Variants in USP20 observed in about 807,000 individuals in gnomAD.
USP20 encodes the protein ubiquitin carboxyl-terminal hydrolase 20.
Under a neutral mutation model 124.2 loss-of-function variants are expected in USP20, and 80 were observed. That is an observed-to-expected ratio of 0.64 (90% CI 0.54 to 0.78). The LOEUF (loss-of-function observed/expected upper bound fraction) is 0.78, where lower values mean the gene tolerates loss of function less well. Among genes scored for constraint, USP20 ranks in the 30% least tolerant of loss-of-function variants. The pLI is 0.00. For synonymous variants in USP20, 481 were observed against 512.3 expected, an observed-to-expected ratio of 0.94 and a Z score of 0.83; for missense variants, 1,043 against 1,244.4, an observed-to-expected ratio of 0.84 and a Z score of 2.44.
chr9:129,863,076 C>G (rs2033632095), intron 8 of USP20, 110 bp from the exon 9 acceptor site: 2 of 731,974 alleles, frequency 2.7e-6, no homozygotes, highest in East Asian at 5.9e-5. Context: ...GGGTCCAGGG[C>G]CACTGTGCTC....
At chr9:129,851,628 C>G (rs771572861) in intron 2 of USP20, among the ~76,000 whole-genome samples, 2 of 152,152 alleles carry the variant, frequency 1.3e-5, no homozygotes, top group Non-Finnish European at 2.9e-5. Context: ...TTGAGGGAAG[C>G]ATTTATTTTC....
chr9:129,863,501 C>T (rs893964509), intron 9 of USP20, among the ~76,000 whole-genome samples: 9 of 152,334 alleles, frequency 5.9e-5, no homozygotes, highest in East Asian at 1.9e-4. Flanking sequence ...GTGCAGAGCA[C>T]TTTAAGTATC....
chr9:129,865,356 C>T lies in USP20; in HGVS notation c.665C>T (p.Pro222Leu). The T allele has an allele frequency of 6.2e-7, 1 of 1,614,184 alleles. No individual in the cohort carries two copies. The stretch of plus-strand genomic sequence containing the variant: ...TCTCATGGGATCAAGTTGGTCAACC[C>T]AATGTTCCGAGGCTATGCCCAGCAG... ...SLSHGIKLVN[P>L]MFRGYAQQDT... Residue 222 changes from proline (P) to leucine (L), a missense_variant, in exon 10 of 26, where the codon CCA (proline) becomes CTA (leucine). Pro to Leu is a moderately conservative substitution (Grantham distance 98). Transcript: ENST00000372429.
intron 19 of USP20, 91 bp downstream of exon 19, chr9:129,875,046 C>G: frequency 6.6e-7 from 1 of 1,511,702 alleles, no homozygotes; most frequent in Non-Finnish European, 8.9e-7. Context: ...GGGACAGCGC[C>G]TGGATTAAGC....
chr9:129,869,699 G>T lies in USP20; in HGVS notation c.1420G>T (p.Asp474Tyr). 1 of 1,614,108 alleles carries T rather than the reference G, an allele frequency of 6.2e-7. No individual in the cohort carries two copies. Among genetic ancestry groups the T allele is most frequent in the South Asian group, 1.1e-5 (1 of 91,076 alleles). Residue 474 changes from aspartate (D) to tyrosine (Y), a missense_variant, in exon 14 of 26, where the codon GAC becomes TAC. Coordinates refer to ENST00000372429, the MANE Select transcript of USP20 (RefSeq NM_001110303.4). Reference protein sequence around the residue: ...RVSTTVETFQDLSLPIPGKED... With the variant: ...RVSTTVETFQYLSLPIPGKED... ...ATCCACCACAGTGGAAACGTTCCAG[G>T]ACTTATCACTGCCCATTCCTGGAAA...
intron 9 of USP20, 114 bp from the exon 10 acceptor site, chr9:129,865,189 A>C: frequency 3.6e-6 from 4 of 1,119,316 alleles, no homozygotes; most frequent in Non-Finnish European, 5.4e-6. Context: ...CCCCTCCCCA[A>C]ATGTCAGGAA....
intron 4 of USP20, among the ~76,000 whole-genome samples, chr9:129,857,626 G>T (rs1053780043): frequency 1.3e-5 from 2 of 152,144 alleles, no homozygotes; most frequent in African/African-American, 2.4e-5. Flanking sequence ...CAAACACCTG[G>T]TCCCCATTCA....
At chr9:129,867,142 G>A (rs1108534) in intron 10 of USP20, among the ~76,000 whole-genome samples, 128,200 of 152,132 alleles carry the variant, frequency 0.84, 54,389 homozygotes, top group East Asian at 0.98. Context: ...ATTTGGGCTC[G>A]GAACCCAAGT....
Position 129,868,139 on chromosome 9 carries a change from C to A in USP20, c.825C>A (p.Asp275Glu), listed in dbSNP as rs769955607. 4.3e-6 allele frequency: 7 copies of A among 1,614,112 alleles called. No homozygotes were observed. Among genetic ancestry groups the A allele is most frequent in the Non-Finnish European group, 5.1e-6 (6 of 1,180,008 alleles). Residue 275 changes from aspartate to glutamate, a missense_variant, in exon 11 of 26, where the codon GAC becomes GAA. Transcript: ENST00000372429. ...SSDTDEKREG[D>E]RSPSEDEFLS... The stretch of plus-strand genomic sequence containing the variant: ...ACACGGATGAGAAACGGGAGGGTGA[C>A]CGGAGCCCATCAGAAGATGAGTTCT...
Position 129,880,663 on chromosome 9 carries a change from G to A in USP20, c.*213G>A, listed in dbSNP as rs138025591. On this transcript the variant is annotated 3_prime_UTR_variant, in exon 26 of 26. Coordinates refer to ENST00000372429, the MANE Select transcript of USP20 (RefSeq NM_001110303.4). ...TAATTTGGGTCTTTGTCCTGGCAGTGCCTCTGCCAGTCACTGTCATCGTTG... is the reference window on the plus strand; with the variant it reads ...TAATTTGGGTCTTTGTCCTGGCAGTACCTCTGCCAGTCACTGTCATCGTTG... The A allele has an allele frequency of 5.3e-5, 10 of 189,916 alleles. No individual in the cohort carries two copies. The highest frequency in any genetic ancestry group is 2.1e-4 in the African/African-American group (9 of 43,474). 11.8% of individuals were successfully genotyped at this position (189,916 alleles called of 1,614,324 possible).
chr9:129,866,377 C>G (rs947505539), intron 10 of USP20, among the ~76,000 whole-genome samples: 1 of 152,218 alleles, frequency 6.6e-6, no homozygotes, highest in Non-Finnish European at 1.5e-5. Flanking sequence ...TTTAAGTGGT[C>G]ACAACTTAGT....
At chr9:129,860,829 A>C in intron 6 of USP20, 108 bp from the exon 7 acceptor site, 1 of 1,129,370 alleles carries the variant, frequency 8.9e-7, no homozygotes. Flanking sequence ...TCAGCCCAGT[A>C]GGGCCTTCCG....
chr9:129,876,853 G>A (rs748803597), intron 22 of USP20, among the ~76,000 whole-genome samples: 7 of 152,000 alleles, frequency 4.6e-5, no homozygotes, highest in African/African-American at 9.7e-5. Context: ...TTGTGGGGCC[G>A]TCCTGTGCAT....
In USP20 at chr9:129,858,736, CTT is replaced by C. The variant is rs368901368; in HGVS notation, c.330+140_330+141del. On this transcript the variant is annotated intron_variant, in intron 6 of 25. Coordinates refer to ENST00000372429, the MANE Select transcript of USP20 (RefSeq NM_001110303.4). ...TCTGGGTCAGTATGTTTTCAGGTGA[CTT>C]TGAGGAGCTCACATCAGCACATGCT... The C allele has an allele frequency of 3.5e-4, 452 of 1,278,354 alleles. 1 individual carries two copies. In the African/African-American group the frequency reaches 6.1e-3, roughly 17 times the overall value. The allele number at this position is 1,278,354 out of a possible 1,614,324, so 79.2% of individuals were successfully genotyped here. A position where few individuals can be genotyped will look rare whatever the true frequency, so the allele number is the denominator to read the frequency against.
At chr9:129,844,515 AC>A in intron 1 of USP20, among the ~76,000 whole-genome samples, 1 of 150,100 alleles carries the variant, frequency 6.7e-6, no homozygotes, top group African/African-American at 2.4e-5. Context: ...AATCCCAGCT[AC>A]TCGGGAGGCT....
At chr9:129,878,577 C>T in intron 23 of USP20, 137 bp downstream of exon 23, 1 of 739,358 alleles carries the variant, frequency 1.4e-6, no homozygotes, top group South Asian at 1.9e-5. Flanking sequence ...CCAGGGTGAA[C>T]AGAGAGCATG....
chr9:129,845,642 C>A (rs1348245713), intron 1 of USP20, among the ~76,000 whole-genome samples: 1 of 151,920 alleles, frequency 6.6e-6, no homozygotes, highest in Non-Finnish European at 1.5e-5. Flanking sequence ...CCTCCCTCCT[C>A]AGCTTCCCAA....
intron 10 of USP20, 34 bp downstream of exon 10, chr9:129,865,415 G>T: frequency 6.2e-7 from 1 of 1,612,388 alleles, no homozygotes; most frequent in Non-Finnish European, 8.5e-7. Context: ...GGACACCCAA[G>T]GCCATGACCC....
chr9:129,862,263 C>G (rs2033587546), intron 8 of USP20, among the ~76,000 whole-genome samples: 1 of 152,144 alleles, frequency 6.6e-6, no homozygotes, highest in Admixed American at 6.5e-5. Flanking sequence ...TAATAATTGA[C>G]CACACCCAGG....
Sources: gnomAD v4.1 joint callset for allele counts (sites outside exome capture counted in the v4.1 genomes callset) on GRCh38, gnomAD v4.1.1 for gene constraint, MANE v1.5 for transcripts, NCBI Gene and HGNC (gene_info 2026-07-23, HGNC 2026-07-21) for gene names.